LMCD1: variants seen among roughly 807,000 people sequenced by gnomAD.
LMCD1 encodes the protein LIM and cysteine-rich domains protein 1.
LMCD1 carries 32 observed loss-of-function variants against 42.7 expected under a neutral mutation model. The observed-to-expected ratio is 0.75, with a 90% CI of 0.57 to 1.01. The LOEUF (loss-of-function observed/expected upper bound fraction) is 1.01, where lower values mean the gene tolerates loss of function less well. Ranked by LOEUF, LMCD1 falls within the 50% of genes least tolerant of loss-of-function variation. The pLI is 0.00. For synonymous variants in LMCD1, 178 were observed against 184.9 expected (o/e 0.96, Z 0.30); for missense variants, 458 against 483.1 (o/e 0.95, Z 0.49).
At chr3:8,516,602 T>A (rs1413479794) in intron 1 of LMCD1, among the ~76,000 whole-genome samples, 1 of 152,088 alleles carries the variant, frequency 6.6e-6, no homozygotes, top group Non-Finnish European at 1.5e-5. Context: ...AAAAAAAAAA[T>A]GCTTAATATC....
chr3:8,503,960 G>A (rs1693822380), intron 1 of LMCD1, among the ~76,000 whole-genome samples: 1 of 152,158 alleles, frequency 6.6e-6, no homozygotes. Context: ...CTTTGCATAG[G>A]GGAGTGTGAT....
At chr3:8,509,682 A>C (rs1056890645) in intron 1 of LMCD1, among the ~76,000 whole-genome samples, 5 of 152,030 alleles carry the variant, frequency 3.3e-5, no homozygotes, top group African/African-American at 1.2e-4. Flanking sequence ...CCCCTCCCCA[A>C]CACACACACA....
At chr3:8,547,490 T>C (rs1694758720) in intron 3 of LMCD1, among the ~76,000 whole-genome samples, 1 of 152,174 alleles carries the variant, frequency 6.6e-6, no homozygotes, top group Admixed American at 6.5e-5. Context: ...AGGTGTAAGT[T>C]TTTAAAATCC....
chr3:8,551,062 G>A, intron 4 of LMCD1: 1 of 985,428 alleles, frequency 1.0e-6, no homozygotes. Flanking sequence ...AAAATAAGTA[G>A]GGATTCCAAA....
chr3:8,521,327 G>A (rs1349383925), intron 1 of LMCD1, among the ~76,000 whole-genome samples: 3 of 152,172 alleles, frequency 2.0e-5, no homozygotes, highest in South Asian at 2.1e-4. Flanking sequence ...CACAGATCCA[G>A]TCACCCAGCA....
intron 4 of LMCD1, among the ~76,000 whole-genome samples, chr3:8,560,791 G>T (rs1005828232): frequency 2.6e-5 from 4 of 152,132 alleles, no homozygotes; most frequent in Admixed American, 6.5e-5. Context: ...GAGGAACAGG[G>T]TTTTCATTTG....
intron 1 of LMCD1, among the ~76,000 whole-genome samples, chr3:8,519,754 AG>A (rs1413165823): frequency 6.9e-4 from 95 of 138,674 alleles, no homozygotes; most frequent in African/African-American, 2.4e-3. Context: ...AAAAAAAAAA[AG>A]AAAAGAAAAG....
Position 8,532,816 on chromosome 3 carries a change from A to C in LMCD1, c.122A>C (p.His41Pro). ...GGGACGTGTTCGGGCTTCGAGCCAC[A>C]TTCATGGAGGTAACAGATTTTGTCA... is the stretch of plus-strand genomic sequence containing the variant. ...CKGTCSGFEP[H>P]SWRKICKSCK... Residue 41 changes from histidine (H) to proline (P), a missense_variant, in exon 2 of 6, where the codon CAT (histidine) becomes CCT (proline). Physicochemically the swap from His to Pro is moderately conservative, Grantham distance 77. Coordinates refer to ENST00000157600, the MANE Select transcript of LMCD1 (RefSeq NM_014583.4). The C allele has an allele frequency of 6.2e-7, 1 of 1,613,446 alleles. No individual in the cohort carries two copies.
intron 4 of LMCD1, among the ~76,000 whole-genome samples, chr3:8,560,046 A>C (rs1036438042): frequency 1.3e-5 from 2 of 152,184 alleles, no homozygotes; most frequent in Non-Finnish European, 2.9e-5. Flanking sequence ...TCCTTCCTTC[A>C]TACTGCTGCG....
Position 8,570,857 on chromosome 3 carries a change from T to C in LMCD1, c.*3259T>C, listed in dbSNP as rs924992339. ...ACCCTCCTTCCTTCCTGTTATCCTTTCAGAAGCCAAATGGGCAGTTTACAG... is the reference window on the plus strand; with the variant it reads ...ACCCTCCTTCCTTCCTGTTATCCTTCCAGAAGCCAAATGGGCAGTTTACAG... On this transcript the variant is annotated 3_prime_UTR_variant, in exon 6 of 6. Transcript: ENST00000157600. The C allele has an allele frequency of 2.6e-5, 4 of 152,224 alleles. No homozygotes were observed. The highest frequency in any genetic ancestry group is 9.7e-5 in the African/African-American group (4 of 41,440). 9.4% of individuals were successfully genotyped at this position (152,224 alleles called of 1,614,324 possible).
chr3:8,543,315 G>A lies in LMCD1; in HGVS notation c.388-5253G>A, dbSNP rs188589040. ...CCTCTTTCCCCACTCACTGCCCCGA[G>A]AGAAGCCCCAACCCTGGGGTATCCT... On this transcript the variant is annotated intron_variant, in intron 3 of 5. Transcript: ENST00000157600. 3.4e-4 allele frequency among the ~76,000 whole-genome samples: 52 copies of A among 152,224 alleles called. No individual in the cohort carries two copies. In the East Asian group the frequency reaches 9.6e-3, roughly 28 times the overall value.
chr3:8,564,833 G>A (rs770530418), intron 4 of LMCD1, among the ~76,000 whole-genome samples: 5 of 152,200 alleles, frequency 3.3e-5, no homozygotes, highest in Non-Finnish European at 7.3e-5. Flanking sequence ...ATGTCAGTGT[G>A]AGTTCAGATT....
At chr3:8,515,605 G>T (rs1694083487) in intron 1 of LMCD1, among the ~76,000 whole-genome samples, 1 of 152,174 alleles carries the variant, frequency 6.6e-6, no homozygotes, top group African/African-American at 2.4e-5. Flanking sequence ...CTTTGGGTGT[G>T]CCCTGGAACC....
chr3:8,532,443 C>A (rs1019437269), intron 1 of LMCD1, among the ~76,000 whole-genome samples: 1 of 152,104 alleles, frequency 6.6e-6, no homozygotes, highest in Non-Finnish European at 1.5e-5. Flanking sequence ...CACAGCAGGG[C>A]GTTTCCAACC....
intron 1 of LMCD1, among the ~76,000 whole-genome samples, chr3:8,515,532 T>C (rs924553616): frequency 2.0e-5 from 3 of 152,152 alleles, no homozygotes; most frequent in African/African-American, 7.2e-5. Context: ...TACCATCATA[T>C]CCTGTTTATG....
At chr3:8,544,485 A>G (rs1199767981) in intron 3 of LMCD1, among the ~76,000 whole-genome samples, 1 of 152,142 alleles carries the variant, frequency 6.6e-6, no homozygotes, top group Non-Finnish European at 1.5e-5. Flanking sequence ...CAGAGTGACC[A>G]ATGGGGCGTC....
chr3:8,561,884 A>G (rs1319447323), intron 4 of LMCD1, among the ~76,000 whole-genome samples: 2 of 152,280 alleles, frequency 1.3e-5, no homozygotes, highest in East Asian at 3.9e-4. Flanking sequence ...CGGGGCTTAC[A>G]GGAGCAGGGG....
In LMCD1 at chr3:8,565,621, C is replaced by A; in HGVS notation, c.913C>A (p.Arg305=). ...CGGCCGCCATTACTGCGAGAGTCTG[C>A]GGCCCCGGTGCTCCGGCTGCGATGA... is the stretch of plus-strand genomic sequence containing the variant. ...WCGRHYCESL[R]PRCSGCDEII... is the part of the protein sequence containing the mutation. The change falls in exon 5 of 6, where the codon CGG becomes AGG. Residue 305 remains arginine (R), a synonymous_variant. Coordinates refer to ENST00000157600, the MANE Select transcript of LMCD1 (RefSeq NM_014583.4). The A allele has an allele frequency of 6.2e-7, 1 of 1,608,424 alleles. No homozygotes were observed. The highest frequency in any genetic ancestry group is 8.5e-7 in the Non-Finnish European group (1 of 1,177,658).
intron 3 of LMCD1, among the ~76,000 whole-genome samples, chr3:8,541,884 T>C (rs1574964418): frequency 1.3e-5 from 2 of 151,274 alleles, no homozygotes; most frequent in East Asian, 3.9e-4. Flanking sequence ...GCAACGTTTG[T>C]GAATAGGGAG....
Sources: allele counts gnomAD v4.1 joint callset (sites outside exome capture counted in the v4.1 genomes callset), GRCh38; gene constraint gnomAD v4.1.1; transcripts MANE v1.5; gene names NCBI Gene and HGNC (gene_info 2026-07-23, HGNC 2026-07-21).